ALG14: variants seen among roughly 807,000 people sequenced by gnomAD.
The protein encoded by ALG14 is ALG14 UDP-N-acetylglucosaminyltransferase subunit.
In ALG14, 17 loss-of-function variants were observed where a neutral mutation model predicts 22.8. The ratio of observed to expected loss-of-function variants is 0.75; its 90% CI spans 0.51 to 1.12. ALG14 has a LOEUF of 1.12. ALG14 is among the 50% of genes most tolerant of loss of function. The pLI is 0.00. For missense variants in ALG14, 288 were observed against 271.8 expected (o/e 1.06, Z -0.42); for synonymous variants, 89 against 103.7 (o/e 0.86, Z 0.86).
intron 3 of ALG14, chr1:94,983,694 T>C (rs754807694): frequency 1.1e-5 from 2 of 175,230 alleles, no homozygotes; most frequent in Admixed American, 5.8e-5. Flanking sequence ...TTTTCTTTAA[T>C]GTACCAACTT....
In ALG14 at chr1:95,038,811, T is replaced by C. The variant is rs138960868; in HGVS notation, c.289-11551A>G. Among the ~76,000 whole-genome samples the C allele has an allele frequency of 1.6e-3, 241 of 150,434 alleles. 5 individuals carry two copies. Among genetic ancestry groups the C allele is most frequent in the Admixed American group, 0.014 (214 of 15,054 alleles). On this transcript the variant is annotated intron_variant, in intron 2 of 3. Coordinates refer to ENST00000370205, the MANE Select transcript of ALG14 (RefSeq NM_144988.4). ...ATGACTCACTGCATCCTTGACCTCCTGGGCTCAAGCGATTCTCCCACCTTG... is the reference window on the plus strand; with the variant it reads ...ATGACTCACTGCATCCTTGACCTCCCGGGCTCAAGCGATTCTCCCACCTTG...
chr1:95,053,211 T>C (rs1177916532), intron 2 of ALG14, among the ~76,000 whole-genome samples: 1 of 152,074 alleles, frequency 6.6e-6, no homozygotes, highest in Non-Finnish European at 1.5e-5. Flanking sequence ...GGAAAATACA[T>C]ACCATGCAAA....
At chr1:95,033,418 T>TACACACACAC (rs1234307055) in intron 2 of ALG14, among the ~76,000 whole-genome samples, 1 of 130,364 alleles carries the variant, frequency 7.7e-6, no homozygotes, top group African/African-American at 2.9e-5. Flanking sequence ...TATATATATA[T>TACACACACAC]ATACACACAC....
chr1:95,028,241 T>C (rs1230425198), intron 2 of ALG14, among the ~76,000 whole-genome samples: 1 of 151,992 alleles, frequency 6.6e-6, no homozygotes, highest in African/African-American at 2.4e-5. Context: ...TTGACCTCCC[T>C]GGGCTCAGGT....
chr1:95,043,651 C>T (rs1242234944), intron 2 of ALG14, among the ~76,000 whole-genome samples: 2 of 152,076 alleles, frequency 1.3e-5, no homozygotes, highest in Non-Finnish European at 2.9e-5. Flanking sequence ...AATATAAGTC[C>T]TTCAACACTT....
In ALG14 at chr1:95,064,962, TGAGTAGGC is replaced by T; in HGVS notation, c.184_191del (p.Ala62ThrfsTer2). 1 of 1,613,868 alleles carries T rather than the reference TGAGTAGGC, an allele frequency of 6.2e-7. No individual in the cohort carries two copies. On this transcript the variant is annotated frameshift_variant, in exon 2 of 4. Coordinates refer to ENST00000370205, the MANE Select transcript of ALG14 (RefSeq NM_144988.4). LOFTEE classifies it high-confidence loss of function. ...TGTCAGCAATGACATAATGTCTAGG[TGAGTAGGC>T]ATTGGACAAGCTCCCAAGCAGCCTC...
chr1:95,046,432 G>A (rs1010652843), intron 2 of ALG14, among the ~76,000 whole-genome samples: 2 of 152,224 alleles, frequency 1.3e-5, no homozygotes, highest in Non-Finnish European at 2.9e-5. Context: ...CTCCTTAAGA[G>A]AATCTAACTA....
At chr1:95,040,405 C>T (rs942199347) in intron 2 of ALG14, among the ~76,000 whole-genome samples, 4 of 152,106 alleles carry the variant, frequency 2.6e-5, no homozygotes, top group Admixed American at 2.0e-4. Flanking sequence ...GAGTATCCCT[C>T]GGCACCCATT....
At position 94,983,303 on chromosome 1, in the gene ALG14, A is replaced by G. The variant is rs374523716; in HGVS notation, c.424T>C (p.Leu142=). 2 of 1,612,774 alleles carry G rather than the reference A, an allele frequency of 1.2e-6. No homozygotes were observed. The highest frequency in any genetic ancestry group is 1.7e-5 in the Admixed American group (1 of 59,862). The change falls in exon 4 of 4, where the codon TTG becomes CTG. Residue 142 remains leucine (L), a synonymous_variant. Coordinates refer to ENST00000370205, the MANE Select transcript of ALG14 (RefSeq NM_144988.4). The part of the protein sequence containing the change: ...LIHRVKPDLV[L]CNGPGTCVPI... ...ACACATGTTCCTGGTCCGTTACACA[A>G]CACCTGAAAGAAAAAGTTGAAGGTC...
intron 3 of ALG14, among the ~76,000 whole-genome samples, chr1:94,992,566 G>A (rs769922128): frequency 4.6e-5 from 7 of 152,310 alleles, no homozygotes; most frequent in Admixed American, 6.5e-5. Context: ...GGTTGAAGAG[G>A]AGGGGGAGCT....
intron 3 of ALG14, among the ~76,000 whole-genome samples, chr1:95,018,694 T>C (rs1368309864): frequency 6.6e-6 from 1 of 151,216 alleles, no homozygotes; most frequent in Non-Finnish European, 1.5e-5. Context: ...ACCCCCTACC[T>C]TCTCCCAACC....
chr1:95,013,018 C>T (rs1189302445), intron 3 of ALG14, among the ~76,000 whole-genome samples: 2 of 151,758 alleles, frequency 1.3e-5, no homozygotes, highest in East Asian at 3.9e-4. Flanking sequence ...CACCTATAAT[C>T]CCAGCTACTC....
intron 2 of ALG14, among the ~76,000 whole-genome samples, chr1:95,058,309 A>G (rs894379629): frequency 1.3e-5 from 2 of 148,654 alleles, no homozygotes; most frequent in Admixed American, 6.7e-5. Flanking sequence ...AAAAAAAAAA[A>G]AAAAGATATT....
intron 1 of ALG14, 44 bp downstream of exon 1, chr1:95,072,719 G>C (rs750585020): frequency 1.8e-5 from 29 of 1,606,726 alleles, no homozygotes; most frequent in Non-Finnish European, 2.4e-5. Flanking sequence ...TCTGGGGTTT[G>C]TAGTGACCAA....
intron 1 of ALG14, among the ~76,000 whole-genome samples, chr1:95,068,570 G>A (rs1331569898): frequency 2.0e-5 from 3 of 152,286 alleles, no homozygotes; most frequent in Admixed American, 1.3e-4. Context: ...GATTACAAGC[G>A]TGAGCCACAG....
rs1054759715 is a variant in ALG14 at position 95,013,941 on chromosome 1, A to C, written c.420+13188T>G. 1.1e-4 allele frequency among the ~76,000 whole-genome samples: 16 copies of C among 152,220 alleles called. No homozygotes were observed. In the East Asian group the frequency reaches 2.9e-3, roughly 28 times the overall value. Reference sequence around the variant, plus strand: ...ATCACTTTTTTCTTAAAAAAAAAAAAAAACCCTTCCAGCATTTCCAAATTT... The same window carrying C: ...ATCACTTTTTTCTTAAAAAAAAAAACAAACCCTTCCAGCATTTCCAAATTT... On this transcript the variant is annotated intron_variant, in intron 3 of 3. Coordinates refer to ENST00000370205, the MANE Select transcript of ALG14 (RefSeq NM_144988.4).
At chr1:95,062,768 A>G (rs1675211754) in intron 2 of ALG14, among the ~76,000 whole-genome samples, 2 of 152,204 alleles carry the variant, frequency 1.3e-5, no homozygotes, top group African/African-American at 2.4e-5. Context: ...ATATGTGTGC[A>G]TGTATCTTTA....
intron 3 of ALG14, among the ~76,000 whole-genome samples, chr1:94,996,198 C>T (rs1459101864): frequency 6.6e-6 from 1 of 151,618 alleles, no homozygotes; most frequent in Non-Finnish European, 1.5e-5. Context: ...CTTTCTAAAT[C>T]AGAATCCCTG....
At chr1:94,986,923 G>A (rs915473592) in intron 3 of ALG14, among the ~76,000 whole-genome samples, 2 of 152,126 alleles carry the variant, frequency 1.3e-5, no homozygotes, top group Non-Finnish European at 2.9e-5. Context: ...TGACCAATCA[G>A]AGCATCGAAT....
Sources: allele counts gnomAD v4.1 joint callset (sites outside exome capture counted in the v4.1 genomes callset), GRCh38; gene constraint gnomAD v4.1.1; transcripts MANE v1.5; gene names NCBI Gene and HGNC (gene_info 2026-07-23, HGNC 2026-07-21).